The following CACNA1C variants were observed in gnomAD, a reference collection of about 807,000 sequenced individuals.
CACNA1C encodes the protein calcium voltage-gated channel subunit alpha1 C.
A neutral mutation model predicts 229.0 loss-of-function variants in CACNA1C; 30 were observed. The observed-to-expected ratio is 0.13, with a 90% CI of 0.10 to 0.18. CACNA1C has a LOEUF of 0.18. Among genes scored for constraint, CACNA1C ranks in the 10% least tolerant of loss-of-function variants. The probability of loss-of-function intolerance (pLI) is 1.00; values close to 1 mark genes in which losing one functional copy is unlikely to be tolerated. For missense variants in CACNA1C, 1,658 were observed against 2,845.0 expected, an observed-to-expected ratio of 0.58 and a Z score of 9.49; for synonymous variants, 1,114 against 1,132.5, an observed-to-expected ratio of 0.98 and a Z score of 0.33.
chr12:2,161,687 A>G (rs1401283438), intron 3 of CACNA1C, among the ~76,000 whole-genome samples: 1 of 152,246 alleles, frequency 6.6e-6, no homozygotes, highest in Non-Finnish European at 1.5e-5. Context: ...GCTGTAGAAC[A>G]GGATGTGCGA....
chr12:2,462,975 T>G (rs1051123075), intron 5 of CACNA1C, among the ~76,000 whole-genome samples: 5 of 146,906 alleles, frequency 3.4e-5, no homozygotes, highest in Admixed American at 1.4e-4. Context: ...TGCAGTGGTG[T>G]GATCTCGGCT....
At chr12:2,514,775 T>C (rs1259772228) in intron 9 of CACNA1C, among the ~76,000 whole-genome samples, 2 of 151,300 alleles carry the variant, frequency 1.3e-5, no homozygotes, top group Non-Finnish European at 2.9e-5. Flanking sequence ...TAACAGAACG[T>C]TGCTATTCTG....
intron 3 of CACNA1C, among the ~76,000 whole-genome samples, chr12:2,197,836 G>T (rs2097456402): frequency 6.6e-6 from 1 of 152,148 alleles, no homozygotes; most frequent in African/African-American, 2.4e-5. Flanking sequence ...TAGAACCAGA[G>T]CTTCTGAAAA....
At chr12:2,452,988 C>G (rs962152533) in intron 4 of CACNA1C, among the ~76,000 whole-genome samples, 1 of 152,150 alleles carries the variant, frequency 6.6e-6, no homozygotes, top group Non-Finnish European at 1.5e-5. Context: ...GCCTGGGATT[C>G]AAGGCCTCAC....
chr12:2,476,919 G>A (rs2239086), intron 5 of CACNA1C, among the ~76,000 whole-genome samples: 106,824 of 152,126 alleles, frequency 0.7, 37,748 homozygotes, highest in East Asian at 0.86. Context: ...CCAGGCAATA[G>A]TTCTTTCCCC....
At chr12:2,421,268 A>T (rs1274708317) in intron 3 of CACNA1C, among the ~76,000 whole-genome samples, 1 of 152,222 alleles carries the variant, frequency 6.6e-6, no homozygotes, top group African/African-American at 2.4e-5. Context: ...TTAACCTCTC[A>T]TATAACTTCT....
chr12:2,666,697 A>G lies in CACNA1C; in HGVS notation c.4538A>G (p.Lys1513Arg). The change falls in exon 37 of 47, where the codon AAA (lysine) becomes AGA (arginine). Residue 1513 changes from lysine (K) to arginine (R), a missense_variant. This residue lies in a region of CACNA1C where 151 missense variants were observed against 344.4 expected (regional missense o/e 0.44). Coordinates refer to ENST00000399655, the MANE Select transcript of CACNA1C (RefSeq NM_000719.7). This position sits in a 1 kb window ranked among gnomAD's most constrained non-coding sequence, Gnocchi z 5.3. Reference sequence around the variant, plus strand: ...CCCTCCTCTTCTAGGGGTCGTATCAAACACCTGGATGTGGTGACCCTCCTC... The same window carrying G: ...CCCTCCTCTTCTAGGGGTCGTATCAGACACCTGGATGTGGTGACCCTCCTC... ...EYDPEAKGRI[K>R]HLDVVTLLRR... 1.9e-6 allele frequency: 3 copies of G among 1,593,710 alleles called. No individual in the cohort carries two copies. Among genetic ancestry groups the G allele is most frequent in the Non-Finnish European group, 2.6e-6 (3 of 1,169,372 alleles).
At chr12:2,112,387 G>C (rs1438777303) in intron 1 of CACNA1C, among the ~76,000 whole-genome samples, 1 of 152,166 alleles carries the variant, frequency 6.6e-6, no homozygotes, top group Non-Finnish European at 1.5e-5. Flanking sequence ...ACAGGGACGA[G>C]TTACAGGAGA....
rs371491884 is a variant in CACNA1C at position 2,612,059 on chromosome 12, A to C, written c.3828+46A>C. ...TTTGATTCCCAGGCATCAGGGGTGG[A>C]CAGAACGGGGAGGTGGGGTGCAGGT... On this transcript the variant is annotated intron_variant, in intron 29 of 46. Transcript: ENST00000399655. 8.6e-6 allele frequency: 10 copies of C among 1,166,410 alleles called. No homozygotes were observed. In the African/African-American group the frequency reaches 1.2e-4, roughly 14 times the overall value. The allele number at this position is 1,166,410 out of a possible 1,614,324, so 72.3% of individuals were successfully genotyped here.
chr12:2,009,937 G>A (rs1232759769), intron 1 of CACNA1C, among the ~76,000 whole-genome samples: 1 of 152,010 alleles, frequency 6.6e-6, no homozygotes, highest in Non-Finnish European at 1.5e-5. Flanking sequence ...GTGAGAAAAT[G>A]TACCAGAAAA....
At chr12:2,260,763 A>G (rs1285269935) in intron 3 of CACNA1C, among the ~76,000 whole-genome samples, 2 of 152,190 alleles carry the variant, frequency 1.3e-5, no homozygotes, top group Non-Finnish European at 2.9e-5. Flanking sequence ...TTAATTATAT[A>G]TACCTTGCAG....
chr12:2,448,342 G>A (rs2099319903), intron 3 of CACNA1C, among the ~76,000 whole-genome samples: 2 of 152,172 alleles, frequency 1.3e-5, no homozygotes, highest in African/African-American at 2.4e-5. Flanking sequence ...TGAAATGTTC[G>A]ACGTCTTTGG....
At chr12:2,205,943 T>C (rs993851109) in intron 3 of CACNA1C, among the ~76,000 whole-genome samples, 5 of 152,124 alleles carry the variant, frequency 3.3e-5, no homozygotes, top group African/African-American at 1.2e-4. Flanking sequence ...CATTCGTGAG[T>C]GCTCTGCCCC....
intron 29 of CACNA1C, among the ~76,000 whole-genome samples, chr12:2,623,579 A>G (rs1187050728): frequency 2.0e-5 from 3 of 151,926 alleles, no homozygotes; most frequent in East Asian, 3.9e-4. Flanking sequence ...CTGGTACTTA[A>G]TCAGAGCTCT....
Position 2,504,336 on chromosome 12 carries a change from GC to G in CACNA1C, c.1114-502del. 1.4e-6 allele frequency: 1 copy of G among 715,164 alleles called. No homozygotes were observed. Among genetic ancestry groups the G allele is most frequent in the Non-Finnish European group, 2.6e-6 (1 of 389,190 alleles). The allele number at this position is 715,164 out of a possible 1,614,324, so 44.3% of individuals were successfully genotyped here. ...TGCACATGAACAAAGCCCACGTTCA[GC>G]CCCGTCTGTCCCCTCCCAATCTGCT... is the stretch of plus-strand genomic sequence containing the variant. On this transcript the variant is annotated intron_variant, in intron 7 of 46. Transcript: ENST00000399655. This position sits in a 1 kb window ranked among gnomAD's most constrained non-coding sequence, Gnocchi z 6.8.
At chr12:2,263,511 G>GA (rs775606170) in intron 3 of CACNA1C, among the ~76,000 whole-genome samples, 8 of 152,020 alleles carry the variant, frequency 5.3e-5, no homozygotes, top group African/African-American at 1.2e-4. Context: ...TTTTGAAAGA[G>GA]AATCATTGCT....
At chr12:2,006,202 G>T (rs943032918) in intron 1 of CACNA1C, among the ~76,000 whole-genome samples, 1 of 152,244 alleles carries the variant, frequency 6.6e-6, no homozygotes, top group South Asian at 2.1e-4. Flanking sequence ...AAGGTCAGTA[G>T]TTCAAGACCA....
At chr12:2,482,523 C>G (rs747870479) in intron 5 of CACNA1C, among the ~76,000 whole-genome samples, 1 of 152,188 alleles carries the variant, frequency 6.6e-6, no homozygotes, top group Admixed American at 6.5e-5. Flanking sequence ...TAGGTTGTTG[C>G]CGGGAGGAGA....
At chr12:2,449,255 T>C in intron 4 of CACNA1C, 140 bp downstream of exon 4, 2 of 589,550 alleles carry the variant, frequency 3.4e-6, no homozygotes. Context: ...AAAAATGAGA[T>C]TTATTTTGCT....
Sources: gnomAD v4.1 joint callset for allele counts (sites outside exome capture counted in the v4.1 genomes callset) on GRCh38, gnomAD v4.1.1 for gene constraint, gnomAD v4.1.1 regional missense constraint, Gnocchi (gnomAD v3.1) non-coding constraint, MANE v1.5 for transcripts, NCBI Gene and HGNC (gene_info 2026-07-23, HGNC 2026-07-21) for gene names.